Variants in SIGLEC15 observed in about 807,000 individuals in gnomAD.
The protein encoded by SIGLEC15 is sialic acid-binding Ig-like lectin 15.
A neutral mutation model predicts 26.2 loss-of-function variants in SIGLEC15; 31 were observed. That is an observed-to-expected ratio of 1.18 (90% CI 0.89 to 1.60). SIGLEC15 has a LOEUF of 1.60. SIGLEC15 is among the 40% of genes most tolerant of loss of function. The pLI is 0.00. For synonymous variants in SIGLEC15, 207 were observed against 221.9 expected (o/e 0.93, Z 0.60); for missense variants, 501 against 488.4 (o/e 1.03, Z -0.24).
chr18:45,842,724 A>T lies in SIGLEC15; in HGVS notation c.*537A>T, dbSNP rs908182660. On this transcript the variant is annotated 3_prime_UTR_variant, in exon 6 of 6. Transcript: ENST00000389474. The stretch of plus-strand genomic sequence containing the variant: ...CTACAAAGATCTGAGGAAATAATGG[A>T]TATGAAGGGGCTTTGGAAAGTACAA... 3 of 156,344 alleles carry T rather than the reference A, an allele frequency of 1.9e-5. No homozygotes were observed. The highest frequency in any genetic ancestry group is 7.2e-5 in the African/African-American group (3 of 41,486). 9.7% of individuals were successfully genotyped at this position (156,344 alleles called of 1,614,324 possible).
chr18:45,829,608 G>A (rs568304356), intron 1 of SIGLEC15, among the ~76,000 whole-genome samples: 4 of 152,200 alleles, frequency 2.6e-5, no homozygotes, highest in South Asian at 2.1e-4. Context: ...TCACAATGCC[G>A]GAAGTGCCAC....
chr18:45,834,367 G>A (rs1181162027), intron 1 of SIGLEC15, among the ~76,000 whole-genome samples: 1 of 152,234 alleles, frequency 6.6e-6, no homozygotes, highest in Non-Finnish European at 1.5e-5. Context: ...GAGCTTCTGA[G>A]TGTCTGGACA....
At position 45,843,408 on chromosome 18, in the gene SIGLEC15, C is replaced by G. The variant is rs939106387; in HGVS notation, c.*1221C>G. ...GCTGGCAAGAGGAAAGGGCCACAGG[C>G]TAGGGGAATAACGAGGCCATGAACA... On this transcript the variant is annotated 3_prime_UTR_variant, in exon 6 of 6. Coordinates refer to ENST00000389474, the MANE Select transcript of SIGLEC15 (RefSeq NM_213602.3). 1.3e-5 allele frequency: 2 copies of G among 152,226 alleles called. No individual in the cohort carries two copies. The highest frequency in any genetic ancestry group is 2.4e-5 in the African/African-American group (1 of 41,446). The allele number at this position is 152,226 out of a possible 1,614,324, so 9.4% of individuals were successfully genotyped here.
At position 45,837,618 on chromosome 18, in the gene SIGLEC15, A is replaced by G; in HGVS notation, c.218A>G (p.Tyr73Cys). Reference sequence around the variant, plus strand: ...ACCTTCACGCACCCGCACCGCCACTACGACGGGCCGCTGACGGCCATCTGG... The same window carrying G: ...ACCTTCACGCACCCGCACCGCCACTGCGACGGGCCGCTGACGGCCATCTGG... ...PCTFTHPHRHYDGPLTAIWRA... is the reference protein window; with the variant it reads ...PCTFTHPHRHCDGPLTAIWRA... The change falls in exon 3 of 6, where the codon TAC (tyrosine) becomes TGC (cysteine). Residue 73 changes from tyrosine to cysteine, a missense_variant. Transcript: ENST00000389474. 1 of 1,509,016 alleles carries G rather than the reference A, an allele frequency of 6.6e-7. No homozygotes were observed. The highest frequency in any genetic ancestry group is 8.8e-7 in the Non-Finnish European group (1 of 1,136,460). 93.5% of individuals were successfully genotyped at this position (1,509,016 alleles called of 1,614,324 possible).
At chr18:45,827,896 A>G (rs558847185) in intron 1 of SIGLEC15, among the ~76,000 whole-genome samples, 164 of 152,330 alleles carry the variant, frequency 1.1e-3, no homozygotes, top group Middle Eastern at 3.4e-3. Flanking sequence ...ATGTTCAAAA[A>G]CAAACGCCAA....
At chr18:45,839,160 G>T in intron 4 of SIGLEC15, 65 bp downstream of exon 4, 1 of 1,341,758 alleles carries the variant, frequency 7.5e-7, no homozygotes, top group South Asian at 1.9e-5. Context: ...TCTTAGATAA[G>T]ACCACCTGGC....
At chr18:45,835,977 C>T (rs1323880461) in intron 1 of SIGLEC15, among the ~76,000 whole-genome samples, 3 of 152,196 alleles carry the variant, frequency 2.0e-5, no homozygotes, top group South Asian at 2.1e-4. Context: ...CATGAGAAAG[C>T]GATGTGCACA....
chr18:45,831,450 C>T (rs2048233981), intron 1 of SIGLEC15, among the ~76,000 whole-genome samples: 1 of 152,182 alleles, frequency 6.6e-6, no homozygotes, highest in African/African-American at 2.4e-5. Context: ...GGGAAACTAA[C>T]CAAATAAGTG....
Position 45,837,562 on chromosome 18 carries a change from G to C in SIGLEC15, c.162G>C (p.Ala54=). 1 of 1,516,302 alleles carries C rather than the reference G, an allele frequency of 6.6e-7. No individual in the cohort carries two copies. Among genetic ancestry groups the C allele is most frequent in the Non-Finnish European group, 8.8e-7 (1 of 1,139,532 alleles). The allele number at this position is 1,516,302 out of a possible 1,614,324, so 93.9% of individuals were successfully genotyped here. A position where few individuals can be genotyped will look rare whatever the true frequency, so the allele number is the denominator to read the frequency against. Residue 54 remains alanine, a synonymous_variant, in exon 3 of 6, where the codon GCG becomes GCC. Coordinates refer to ENST00000389474, the MANE Select transcript of SIGLEC15 (RefSeq NM_213602.3). ...WSMQVPPEVS[A]EAGDAAVLPC... is the part of the protein sequence containing the mutation. ...TGCAGGTGCCACCCGAGGTGAGCGC[G>C]GAGGCAGGCGACGCGGCAGTGCTGC...
chr18:45,825,694 G>C lies in SIGLEC15; in HGVS notation c.-35G>C. On this transcript the variant is annotated 5_prime_UTR_variant, in exon 1 of 6. Coordinates refer to ENST00000389474, the MANE Select transcript of SIGLEC15 (RefSeq NM_213602.3). ...GCCCTCACTGGGGAGGTGGCCGAGA[G>C]CGGGTCTGGCCTGGGGTGTTCAGAT... 6.2e-7 allele frequency: 1 copy of C among 1,609,012 alleles called. No individual in the cohort carries two copies.
chr18:45,836,987 T>C, intron 1 of SIGLEC15, 42 bp from the exon 2 acceptor site: 2 of 1,022,378 alleles, frequency 2.0e-6, no homozygotes, highest in South Asian at 1.3e-5. Context: ...TGAGCCTCAG[T>C]TTATTCACGT....
intron 1 of SIGLEC15, 144 bp downstream of exon 1, chr18:45,825,924 T>A: frequency 1.1e-6 from 1 of 936,114 alleles, no homozygotes; most frequent in African/African-American, 1.6e-5. Flanking sequence ...GCTTGGGGCC[T>A]GTGGTGCCAG....
chr18:45,830,588 T>TTTTTA (rs2048226762), intron 1 of SIGLEC15, among the ~76,000 whole-genome samples: 1 of 128,886 alleles, frequency 7.8e-6, no homozygotes, highest in Non-Finnish European at 1.7e-5. Flanking sequence ...TCTTTCTTTT[T>TTTTTA]TTTTTTTTTT....
rs568230002 is a variant in SIGLEC15, at chr18:45,842,267, C to A, written c.*80C>A. The A allele has an allele frequency of 5.2e-6, 8 of 1,534,322 alleles. No homozygotes were observed. The African/African-American group carries it at 6.8e-5, about 13-fold the overall frequency. Reference sequence around the variant, plus strand: ...GCGAGGCTTGGCTGGCACAGCCAGTCCTGGTTCTCGGGCACCTTGGCAGCC... The same window carrying A: ...GCGAGGCTTGGCTGGCACAGCCAGTACTGGTTCTCGGGCACCTTGGCAGCC... On this transcript the variant is annotated 3_prime_UTR_variant, in exon 6 of 6. Transcript: ENST00000389474.
intron 4 of SIGLEC15, among the ~76,000 whole-genome samples, chr18:45,839,656 G>T (rs571745990): frequency 6.6e-6 from 1 of 152,144 alleles, no homozygotes; most frequent in African/African-American, 2.4e-5. Flanking sequence ...CACACAAGCC[G>T]TGCTGGGAGA....
rs571745990 is a variant in SIGLEC15 at position 45,839,656 on chromosome 18, G to A, written c.875-555G>A. Among the ~76,000 whole-genome samples, 4 of 152,262 alleles carry A rather than the reference G, an allele frequency of 2.6e-5. No individual in the cohort carries two copies. In the East Asian group the frequency reaches 7.7e-4, roughly 29 times the overall value. On this transcript the variant is annotated intron_variant, in intron 4 of 5. Transcript: ENST00000389474. ...ATCTGGAGAAGGCTTCACACAAGCC[G>A]TGCTGGGAGAGCTAAATAAAAATAT...
rs768038830 is a variant in SIGLEC15 at position 45,839,045 on chromosome 18, C to T, written c.824C>T (p.Ala275Val). Residue 275 changes from alanine (A) to valine (V), a missense_variant, in exon 4 of 6, where the codon GCG becomes GTG. Transcript: ENST00000389474. ...ALLLGALGFKALLLLGVLAAR... is the reference protein window; with the variant it reads ...ALLLGALGFKVLLLLGVLAAR... Reference sequence around the variant, plus strand: ...CTGCTCGGCGCTCTCGGCTTCAAGGCGCTGCTGCTGCTCGGGGTCCTGGCC... The same window carrying T: ...CTGCTCGGCGCTCTCGGCTTCAAGGTGCTGCTGCTGCTCGGGGTCCTGGCC... 13 of 1,542,690 alleles carry T rather than the reference C, an allele frequency of 8.4e-6. No homozygotes were observed. The East Asian group carries it at 1.3e-4, about 15-fold the overall frequency.
rs141244779 is a variant in SIGLEC15 at position 45,838,975 on chromosome 18, C to A, written c.754C>A (p.Leu252Met). 27 of 1,602,618 alleles carry A rather than the reference C, an allele frequency of 1.7e-5. No individual in the cohort carries two copies. Among genetic ancestry groups the A allele is most frequent in the Non-Finnish European group, 2.3e-5 (27 of 1,177,930 alleles). The change falls in exon 4 of 6, where the codon CTG becomes ATG. Residue 252 changes from leucine (L) to methionine (M), a missense_variant. Transcript: ENST00000389474. ...GGGCCGCTCCGAGGCCAGCGTCTAC[C>A]TGTTCCGCTTCCATGGCGCCAGCGG... ...SLGRSEASVY[L>M]FRFHGASGAS...
chr18:45,828,107 C>G (rs1181146732), intron 1 of SIGLEC15, among the ~76,000 whole-genome samples: 2 of 152,222 alleles, frequency 1.3e-5, no homozygotes, highest in African/African-American at 2.4e-5. Context: ...AGAAGACATC[C>G]AGGCCACGGC....
Sources: gnomAD v4.1 joint callset for allele counts (sites outside exome capture counted in the v4.1 genomes callset) on GRCh38, gnomAD v4.1.1 for gene constraint, MANE v1.5 for transcripts, NCBI Gene and HGNC (gene_info 2026-07-23, HGNC 2026-07-21) for gene names.